Variants in ZMAT1 observed in about 807,000 individuals in gnomAD.
The protein encoded by ZMAT1 is zinc finger matrin-type 1.
Under a neutral mutation model 18.5 loss-of-function variants are expected in ZMAT1, and 11 were observed. The ratio of observed to expected loss-of-function variants is 0.59; its 90% CI spans 0.37 to 0.98. ZMAT1 has a LOEUF of 0.98. ZMAT1 is among the 50% of genes least tolerant of loss of function. The probability of loss-of-function intolerance (pLI) is 0.01; values close to 1 mark genes in which losing one functional copy is unlikely to be tolerated. For missense variants in ZMAT1, 525 were observed against 496.2 expected, an observed-to-expected ratio of 1.06 and a Z score of -0.55; for synonymous variants, 211 against 176.4, an observed-to-expected ratio of 1.20 and a Z score of -1.55.
At chrX:101,886,454 T>G (rs1344293628) in intron 5 of ZMAT1, among the ~76,000 whole-genome samples, 178 bp downstream of exon 5, 1 of 111,403 alleles carries the variant, frequency 9.0e-6, no homozygotes, top group African/African-American at 3.3e-5. Flanking sequence ...TTACTAGAAC[T>G]AAAACTAGAA....
intron 2 of ZMAT1, among the ~76,000 whole-genome samples, chrX:101,900,679 G>C (rs754554957): frequency 5.4e-5 from 6 of 111,922 alleles, no homozygotes; most frequent in African/African-American, 1.9e-4. Flanking sequence ...TTTTAAACCA[G>C]TACCATTCTA....
chrX:101,904,439 G>T, intron 1 of ZMAT1, 109 bp from the exon 2 acceptor site: 1 of 555,521 alleles, frequency 1.8e-6, no homozygotes, highest in Non-Finnish European at 2.8e-6. Flanking sequence ...AAATTTGAGT[G>T]CTTGTGAGGC....
chrX:101,916,675 GA>G, intron 1 of ZMAT1, among the ~76,000 whole-genome samples: 1 of 111,336 alleles, frequency 9.0e-6, no homozygotes, highest in Non-Finnish European at 1.9e-5. Flanking sequence ...CACAGAGATA[GA>G]AAAAAAATCT....
chrX:101,920,778 T>C (rs912495672), intron 1 of ZMAT1, among the ~76,000 whole-genome samples: 25 of 111,898 alleles, frequency 2.2e-4, no homozygotes, highest in African/African-American at 7.5e-4. Flanking sequence ...TCCAAACACA[T>C]AGCTTTTCAA....
At chrX:101,894,927 A>G (rs1055094257) in intron 4 of ZMAT1, 26 of 742,702 alleles carry the variant, frequency 3.5e-5, no homozygotes, top group Non-Finnish European at 4.0e-5. Flanking sequence ...AAATGAAAAA[A>G]AAATATGGTT....
chrX:101,884,097 G>A lies in ZMAT1; in HGVS notation c.1501C>T (p.Leu501Phe). ...TAGGTCTGGAAAGTCTCACATGGGA[G>A]CTTTTGCTCCAACATTCTATGTCTG... ...RPRHRMLEQK[L>F]PCETFQTYSG... Residue 501 changes from leucine to phenylalanine, a missense_variant, in exon 6 of 6, where the codon CTC becomes TTC. Physicochemically the swap from Leu to Phe is conservative, Grantham distance 22. Transcript: ENST00000651725. 8.3e-7 allele frequency: 1 copy of A among 1,209,182 alleles called. No homozygotes were observed. Among genetic ancestry groups the A allele is most frequent in the Non-Finnish European group, 1.1e-6 (1 of 895,002 alleles).
At chrX:101,904,848 G>A (rs2147628725) in intron 1 of ZMAT1, among the ~76,000 whole-genome samples, 1 of 111,400 alleles carries the variant, frequency 9.0e-6, no homozygotes, top group Non-Finnish European at 1.9e-5. Flanking sequence ...TACTCCGGAG[G>A]CTGAGATGAT....
At chrX:101,896,768 A>G (rs1280074093) in intron 4 of ZMAT1, among the ~76,000 whole-genome samples, 1 of 111,881 alleles carries the variant, frequency 8.9e-6, no homozygotes, top group Non-Finnish European at 1.9e-5. Context: ...TTACAAAAAT[A>G]CAAGTTGGGT....
chrX:101,885,928 C>G (rs1023745413), intron 5 of ZMAT1, among the ~76,000 whole-genome samples: 1 of 111,405 alleles, frequency 9.0e-6, no homozygotes, highest in Non-Finnish European at 1.9e-5. Flanking sequence ...GCTCTTCCTC[C>G]CACAGTGCTG....
intron 1 of ZMAT1, among the ~76,000 whole-genome samples, chrX:101,920,448 C>G (rs1177836647): frequency 9.0e-6 from 1 of 111,266 alleles, no homozygotes; most frequent in African/African-American, 3.3e-5. Context: ...ATGCCAAATT[C>G]TCTTTGTGGG....
At chrX:101,902,488 T>C (rs1928313022) in intron 2 of ZMAT1, among the ~76,000 whole-genome samples, 1 of 111,982 alleles carries the variant, frequency 8.9e-6, no homozygotes, top group South Asian at 3.7e-4. Flanking sequence ...AAGGTGAAAT[T>C]GTTGTAGATA....
chrX:101,897,435 C>A (rs978467381), intron 4 of ZMAT1, among the ~76,000 whole-genome samples: 27 of 102,533 alleles, frequency 2.6e-4, no homozygotes, highest in African/African-American at 8.9e-4. Context: ...CACATGTATA[C>A]ATATGTAACT....
chrX:101,916,304 C>T (rs904755318), intron 1 of ZMAT1, among the ~76,000 whole-genome samples: 1 of 111,149 alleles, frequency 9.0e-6, no homozygotes, highest in Non-Finnish European at 1.9e-5. Flanking sequence ...GGCTTAAAAC[C>T]TAGATGATGG....
At chrX:101,909,431 A>C (rs1454687267) in intron 1 of ZMAT1, among the ~76,000 whole-genome samples, 1 of 111,696 alleles carries the variant, frequency 9.0e-6, no homozygotes, top group Non-Finnish European at 1.9e-5. Flanking sequence ...TTAGGTACCA[A>C]CACCACCACA....
intron 1 of ZMAT1, among the ~76,000 whole-genome samples, chrX:101,914,413 T>A (rs1169904817): frequency 9.1e-6 from 1 of 110,357 alleles, no homozygotes; most frequent in African/African-American, 3.3e-5. Context: ...AAAAGCTGGG[T>A]TTTTTTTGAA....
intron 1 of ZMAT1, among the ~76,000 whole-genome samples, chrX:101,922,656 G>A (rs1760054703): frequency 9.0e-6 from 1 of 111,451 alleles, no homozygotes; most frequent in Admixed American, 9.6e-5. Flanking sequence ...GCCTCCCAAA[G>A]TGCTGGGATT....
chrX:101,895,592 C>A (rs1927740589), intron 4 of ZMAT1, among the ~76,000 whole-genome samples: 1 of 111,194 alleles, frequency 9.0e-6, no homozygotes, highest in Non-Finnish European at 1.9e-5. Context: ...TTTATGTTTA[C>A]CATTTGCATT....
At chrX:101,925,342 A>G (rs1166030410) in intron 1 of ZMAT1, among the ~76,000 whole-genome samples, 1 of 112,538 alleles carries the variant, frequency 8.9e-6, no homozygotes, top group Non-Finnish European at 1.9e-5. Flanking sequence ...TTTTCTATAA[A>G]TAAGAGTGTT....
chrX:101,894,408 T>G (rs914777217), intron 4 of ZMAT1: 1 of 747,621 alleles, frequency 1.3e-6, no homozygotes, highest in Non-Finnish European at 1.6e-6. Flanking sequence ...GGTGCTTCAT[T>G]AAATATATGA....
Sources: gnomAD v4.1 joint callset for allele counts (sites outside exome capture counted in the v4.1 genomes callset) on GRCh38, gnomAD v4.1.1 for gene constraint, MANE v1.5 for transcripts, NCBI Gene and HGNC (gene_info 2026-07-23, HGNC 2026-07-21) for gene names.